The following MAGI1 variants were observed in gnomAD, a reference collection of about 807,000 sequenced individuals.
MAGI1 encodes the protein membrane associated guanylate kinase, WW and PDZ domain containing 1.
In MAGI1, 58 loss-of-function variants were observed where a neutral mutation model predicts 139.9. The observed-to-expected ratio is 0.41, with a 90% CI of 0.34 to 0.52. The LOEUF (loss-of-function observed/expected upper bound fraction) is 0.52. Ranked by LOEUF, MAGI1 falls within the 20% of genes least tolerant of loss-of-function variation. The pLI, the probability that MAGI1 is intolerant of heterozygous loss-of-function variation, is 0.12. For synonymous variants in MAGI1, 812 were observed against 737.9 expected, an observed-to-expected ratio of 1.10 and a Z score of -1.63; for missense variants, 1,874 against 1,901.6, an observed-to-expected ratio of 0.99 and a Z score of 0.27.
intron 1 of MAGI1, among the ~76,000 whole-genome samples, chr3:65,689,067 G>T (rs1469870929): frequency 6.6e-6 from 1 of 152,180 alleles, no homozygotes; most frequent in East Asian, 1.9e-4. Context: ...TCACTAAAAT[G>T]TGGCATCTAA....
In MAGI1 at chr3:65,445,009, G is replaced by A. The variant is rs567575632; in HGVS notation, c.1079-2160C>T. Among the ~76,000 whole-genome samples the A allele has an allele frequency of 7.9e-5, 12 of 152,234 alleles. No individual in the cohort carries two copies. In the South Asian group the frequency reaches 2.5e-3, roughly 32 times the overall value. ...ATTTGGTTCTAAAAGACTGAAAAAG[G>A]CAGAAAATATTTAAGTCCAGAATGA... On this transcript the variant is annotated intron_variant, in intron 7 of 22. Transcript: ENST00000402939.
At chr3:65,907,076 C>G (rs968204624) in intron 1 of MAGI1, among the ~76,000 whole-genome samples, 1 of 150,740 alleles carries the variant, frequency 6.6e-6, no homozygotes, top group Non-Finnish European at 1.5e-5. Context: ...AAACACTCCA[C>G]TTGGTGAAGA....
At chr3:65,561,634 T>A (rs1463450758) in intron 2 of MAGI1, among the ~76,000 whole-genome samples, 1 of 152,210 alleles carries the variant, frequency 6.6e-6, no homozygotes, top group African/African-American at 2.4e-5. Flanking sequence ...AAAGGAGTTT[T>A]AGAAATAATT....
chr3:65,474,121 C>T (rs757002479), intron 4 of MAGI1, among the ~76,000 whole-genome samples: 8 of 152,000 alleles, frequency 5.3e-5, no homozygotes, highest in Non-Finnish European at 1.2e-4. Context: ...AAAAATTAGC[C>T]GGGTGTAGTG....
chr3:65,808,959 G>C (rs2041046820), intron 1 of MAGI1, among the ~76,000 whole-genome samples: 2 of 152,170 alleles, frequency 1.3e-5, no homozygotes, highest in Admixed American at 6.5e-5. Flanking sequence ...AAGGAAATAA[G>C]GGGAGATTTA....
At chr3:65,926,087 A>G (rs906072307) in intron 1 of MAGI1, among the ~76,000 whole-genome samples, 2 of 152,238 alleles carry the variant, frequency 1.3e-5, no homozygotes, top group African/African-American at 2.4e-5. Flanking sequence ...ACTCAAGATC[A>G]CACAACTAGT....
chr3:65,599,433 G>A (rs2082379327), intron 2 of MAGI1, among the ~76,000 whole-genome samples: 1 of 152,190 alleles, frequency 6.6e-6, no homozygotes, highest in Non-Finnish European at 1.5e-5. Flanking sequence ...AGGACAGCAT[G>A]TCTAAGGCCC....
chr3:65,892,960 C>A (rs2060826994), intron 1 of MAGI1, among the ~76,000 whole-genome samples: 1 of 152,120 alleles, frequency 6.6e-6, no homozygotes, highest in South Asian at 2.1e-4. Context: ...TAGCTTTTAG[C>A]CTGAAAGTAA....
At chr3:65,991,734 G>T (rs755073897) in intron 1 of MAGI1, among the ~76,000 whole-genome samples, 6 of 152,098 alleles carry the variant, frequency 3.9e-5, no homozygotes. Context: ...ATAAATCCAG[G>T]CCAGGCACGG....
At chr3:65,835,466 T>A (rs1271981798) in intron 1 of MAGI1, among the ~76,000 whole-genome samples, 1 of 152,226 alleles carries the variant, frequency 6.6e-6, no homozygotes, top group Non-Finnish European at 1.5e-5. Flanking sequence ...AGAGAAAATA[T>A]TCACTTTCAA....
At chr3:65,639,019 G>A (rs183410869) in intron 1 of MAGI1, among the ~76,000 whole-genome samples, 1 of 152,276 alleles carries the variant, frequency 6.6e-6, no homozygotes, top group East Asian at 1.9e-4. Context: ...CAAGTGCTGG[G>A]TTTACAGGCA....
At chr3:65,522,442 T>C (rs1415652219) in intron 2 of MAGI1, among the ~76,000 whole-genome samples, 1 of 152,162 alleles carries the variant, frequency 6.6e-6, no homozygotes, top group Non-Finnish European at 1.5e-5. Context: ...ATTCCTGTTC[T>C]CATTTTCTCC....
At chr3:65,988,068 T>TA (rs1250125934) in intron 1 of MAGI1, among the ~76,000 whole-genome samples, 4 of 152,248 alleles carry the variant, frequency 2.6e-5, no homozygotes, top group Admixed American at 2.0e-4. Flanking sequence ...GTTAAAAGCT[T>TA]AAAAAATGAA....
At chr3:65,396,375 C>T (rs895208627) in intron 13 of MAGI1, among the ~76,000 whole-genome samples, 2 of 152,086 alleles carry the variant, frequency 1.3e-5, no homozygotes, top group African/African-American at 4.8e-5. Flanking sequence ...GGCCATGAAC[C>T]TGTATCACAA....
chr3:65,931,822 T>C (rs547783672), intron 1 of MAGI1, among the ~76,000 whole-genome samples: 1 of 152,184 alleles, frequency 6.6e-6, no homozygotes, highest in Non-Finnish European at 1.5e-5. Flanking sequence ...AAACAGATCA[T>C]TGGAAACCAA....
chr3:65,453,403 A>G, intron 5 of MAGI1, 63 bp from the exon 6 acceptor site: 6 of 1,220,912 alleles, frequency 4.9e-6, no homozygotes, highest in Non-Finnish European at 4.7e-6. Flanking sequence ...CAAGAAGCCC[A>G]ATGACGGAAT....
At chr3:65,417,009 A>G (rs1162132414) in intron 12 of MAGI1, among the ~76,000 whole-genome samples, 8 of 152,182 alleles carry the variant, frequency 5.3e-5, no homozygotes, top group Non-Finnish European at 1.2e-4. Context: ...GAGGGAAATG[A>G]AGGAAGGTGG....
intron 1 of MAGI1, among the ~76,000 whole-genome samples, chr3:65,897,341 T>A (rs1225201744): frequency 6.6e-6 from 1 of 151,394 alleles, no homozygotes; most frequent in Non-Finnish European, 1.5e-5. Flanking sequence ...CCAGACCAGC[T>A]GAGGAAACAC....
intron 1 of MAGI1, among the ~76,000 whole-genome samples, chr3:65,839,636 CT>C (rs776610113): frequency 5.6e-4 from 85 of 152,198 alleles, no homozygotes; most frequent in Non-Finnish European, 1.1e-3. Context: ...AAAATATAAA[CT>C]ATAAAACTGT....
Sources: allele counts gnomAD v4.1 joint callset (sites outside exome capture counted in the v4.1 genomes callset), GRCh38; gene constraint gnomAD v4.1.1; transcripts MANE v1.5; gene names NCBI Gene and HGNC (gene_info 2026-07-23, HGNC 2026-07-21).